The following NDST4 variants were observed in gnomAD, a reference collection of about 807,000 sequenced individuals.
The protein encoded by NDST4 is N-deacetylase and N-sulfotransferase 4, also known as N-heparan sulfate sulfotransferase 4.
Under a neutral mutation model 100.8 loss-of-function variants are expected in NDST4, and 63 were observed. That is an observed-to-expected ratio of 0.62 (90% confidence interval 0.51 to 0.77). The LOEUF (loss-of-function observed/expected upper bound fraction) is 0.77, where lower values mean the gene tolerates loss of function less well. Ranked by LOEUF, NDST4 falls within the 30% of genes least tolerant of loss-of-function variation. The pLI is 0.00. For missense variants in NDST4, 943 were observed against 1,018.4 expected (o/e 0.93, Z 1.01); for synonymous variants, 377 against 361.8 (o/e 1.04, Z -0.48).
intron 7 of NDST4, among the ~76,000 whole-genome samples, chr4:114,866,992 C>T (rs1407623338): frequency 1.3e-5 from 2 of 152,036 alleles, no homozygotes; most frequent in Non-Finnish European, 2.9e-5. Context: ...ATTGTAAAAC[C>T]ACCATCTTGT....
At chr4:114,878,992 T>C (rs1160899990) in intron 6 of NDST4, among the ~76,000 whole-genome samples, 1 of 152,040 alleles carries the variant, frequency 6.6e-6, no homozygotes, top group Non-Finnish European at 1.5e-5. Context: ...TGATACCTAA[T>C]AAATGAAACT....
intron 2 of NDST4, among the ~76,000 whole-genome samples, chr4:115,071,985 T>C (rs1729087998): frequency 6.6e-6 from 1 of 151,964 alleles, no homozygotes; most frequent in Non-Finnish European, 1.5e-5. Flanking sequence ...ATTATAGAAG[T>C]TCAAGAAAAA....
chr4:114,958,433 C>T (rs1365256397), intron 4 of NDST4, among the ~76,000 whole-genome samples: 2 of 152,086 alleles, frequency 1.3e-5, no homozygotes, highest in Non-Finnish European at 2.9e-5. Flanking sequence ...CAAGAGTCAC[C>T]TTTATTACAG....
At chr4:115,001,240 C>T (rs1249290850) in intron 2 of NDST4, among the ~76,000 whole-genome samples, 3 of 152,014 alleles carry the variant, frequency 2.0e-5, no homozygotes, top group African/African-American at 7.2e-5. Context: ...CATGAGGTCT[C>T]AGTGGGATGC....
chr4:114,917,768 C>T (rs1725205010), intron 6 of NDST4, among the ~76,000 whole-genome samples: 1 of 152,168 alleles, frequency 6.6e-6, no homozygotes, highest in African/African-American at 2.4e-5. Context: ...TACTCACAAG[C>T]TCTCTGATAC....
In NDST4 at chr4:115,076,487, G is replaced by T. The variant is rs564044682; in HGVS notation, c.550C>A (p.Leu184Ile). Residue 184 changes from leucine (L) to isoleucine (I), a missense_variant, in exon 2 of 14, where the codon CTT becomes ATT. This residue lies in a region of NDST4 where 417 missense variants were observed against 384.2 expected (regional missense o/e 1.09). Coordinates refer to ENST00000264363, the MANE Select transcript of NDST4 (RefSeq NM_022569.3). Reference sequence around the variant, plus strand: ...TCCTTTAGAGCTAGATTATTGAAAAGGTTTAACGGAAAGCCTTTTAATTGT... The same window carrying T: ...TCCTTTAGAGCTAGATTATTGAAAATGTTTAACGGAAAGCCTTTTAATTGT... ...STQLKGFPLN[L>I]FNNLALKDCF... 3.1e-6 allele frequency: 5 copies of T among 1,613,826 alleles called. No homozygotes were observed. In the East Asian group the frequency reaches 6.7e-5, roughly 22 times the overall value.
At chr4:115,043,293 T>C (rs1728393095) in intron 2 of NDST4, among the ~76,000 whole-genome samples, 1 of 152,122 alleles carries the variant, frequency 6.6e-6, no homozygotes, top group Non-Finnish European at 1.5e-5. Context: ...AAAATTTTAA[T>C]ATAAGCTAAG....
At chr4:114,905,343 A>G (rs1460212108) in intron 6 of NDST4, among the ~76,000 whole-genome samples, 1 of 151,890 alleles carries the variant, frequency 6.6e-6, no homozygotes. Context: ...TCTCTGTGAT[A>G]TGTTAATGGG....
In NDST4 at chr4:114,923,100, C is replaced by G. The variant is rs547205402; in HGVS notation, c.1536+12106G>C. 3.3e-5 allele frequency among the ~76,000 whole-genome samples: 5 copies of G among 152,186 alleles called. No homozygotes were observed. The South Asian group carries it at 1.0e-3, about 32-fold the overall frequency. On this transcript the variant is annotated intron_variant, in intron 6 of 13. Coordinates refer to ENST00000264363, the MANE Select transcript of NDST4 (RefSeq NM_022569.3). ...CAAAGCCTTCTAATACAGAATAAGC[C>G]CTGACATGTCAAATGGAACTCCAGG...
chr4:114,984,141 A>ATTAT (rs1560843749), intron 2 of NDST4, among the ~76,000 whole-genome samples: 66 of 138,674 alleles, frequency 4.8e-4, no homozygotes, highest in African/African-American at 1.7e-3. Flanking sequence ...ACAAACTAAT[A>ATTAT]CTATTTATTT....
chr4:114,838,804 C>CTT lies in NDST4; in HGVS notation c.2286+572_2286+573dup, dbSNP rs540720577. ...CATGTTCTGCACATGTAGCCCAGAA[C>CTT]TTTTTTTTTTTTTTGAAGATCAATA... On this transcript the variant is annotated intron_variant, in intron 11 of 13. Transcript: ENST00000264363. Among the ~76,000 whole-genome samples the CTT allele has an allele frequency of 1.9e-3, 270 of 141,812 alleles. 1 individual carries two copies. The highest frequency in any genetic ancestry group is 6.7e-3 in the African/African-American group (259 of 38,568). 93.0% of individuals were successfully genotyped at this position (141,812 alleles called of 152,430 possible). A position where few individuals can be genotyped will look rare whatever the true frequency, so the allele number is the denominator to read the frequency against.
At chr4:114,962,049 G>A (rs192088271) in intron 4 of NDST4, among the ~76,000 whole-genome samples, 1 of 152,138 alleles carries the variant, frequency 6.6e-6, no homozygotes, top group Admixed American at 6.5e-5. Context: ...AAATCAATTA[G>A]AGTAATATAC....
intron 6 of NDST4, among the ~76,000 whole-genome samples, chr4:114,926,976 A>C (rs1164599561): frequency 6.6e-6 from 1 of 152,076 alleles, no homozygotes; most frequent in Non-Finnish European, 1.5e-5. Flanking sequence ...GTAACTACTA[A>C]TCAAAATTCA....
chr4:114,838,766 T>C (rs188178447), intron 11 of NDST4, among the ~76,000 whole-genome samples: 35 of 151,128 alleles, frequency 2.3e-4, no homozygotes, highest in South Asian at 4.2e-4. Context: ...TGTATACTTA[T>C]GTAACAAACC....
intron 4 of NDST4, among the ~76,000 whole-genome samples, chr4:114,942,999 TATA>T (rs1467993156): frequency 1.4e-5 from 2 of 147,862 alleles, no homozygotes; most frequent in Admixed American, 6.8e-5. Flanking sequence ...TATACTGATA[TATA>T]ATATTTACAT....
At chr4:114,890,673 T>C (rs1724574085) in intron 6 of NDST4, among the ~76,000 whole-genome samples, 1 of 152,054 alleles carries the variant, frequency 6.6e-6, no homozygotes. Flanking sequence ...TCTCTCTCTT[T>C]TCCTGCTTCT....
intron 2 of NDST4, among the ~76,000 whole-genome samples, chr4:115,033,147 AT>A (rs1728153548): frequency 7.9e-6 from 1 of 126,752 alleles, no homozygotes; most frequent in African/African-American, 3.4e-5. Context: ...ATATATATAT[AT>A]ATATATATAT....
intron 6 of NDST4, among the ~76,000 whole-genome samples, chr4:114,897,009 A>C (rs1724729603): frequency 6.6e-6 from 1 of 152,128 alleles, no homozygotes. Context: ...ATTTGCATAG[A>C]CTATCCCATT....
chr4:115,089,116 T>C (rs2126294097), intron 1 of NDST4, among the ~76,000 whole-genome samples: 1 of 152,148 alleles, frequency 6.6e-6, no homozygotes, highest in South Asian at 2.1e-4. Flanking sequence ...TCACCTTCTT[T>C]CTCTACCCCA....
Sources: gnomAD v4.1 joint callset for allele counts (sites outside exome capture counted in the v4.1 genomes callset) on GRCh38, gnomAD v4.1.1 for gene constraint, gnomAD v4.1.1 regional missense constraint, MANE v1.5 for transcripts, NCBI Gene and HGNC (gene_info 2026-07-23, HGNC 2026-07-21) for gene names.